ACAP1: variants seen among roughly 807,000 people sequenced by gnomAD.
ACAP1 encodes ArfGAP with coiled-coil, ankyrin repeat and PH domains 1.
A neutral mutation model predicts 98.8 loss-of-function variants in ACAP1; 45 were observed. The observed-to-expected ratio is 0.46, with a 90% confidence interval of 0.36 to 0.58. The LOEUF (loss-of-function observed/expected upper bound fraction) is 0.58. Ranked by LOEUF, ACAP1 falls within the 20% of genes least tolerant of loss-of-function variation. The pLI is 0.00. For missense variants in ACAP1, 735 were observed against 971.4 expected (o/e 0.76, Z 3.24); for synonymous variants, 362 against 375.3 (o/e 0.96, Z 0.41).
At chr17:7,346,208 G>A (rs946517492) in intron 10 of ACAP1, 36 bp from the exon 11 acceptor site, 1 of 1,606,872 alleles carries the variant, frequency 6.2e-7, no homozygotes, top group Non-Finnish European at 8.5e-7. Context: ...TCATCCTAAA[G>A]CTGCCTATGT....
chr17:7,349,925 T>C lies in ACAP1; in HGVS notation c.1852-20T>C. 1 of 1,578,258 alleles carries C rather than the reference T, an allele frequency of 6.3e-7. No individual in the cohort carries two copies. The highest frequency in any genetic ancestry group is 8.6e-7 in the Non-Finnish European group (1 of 1,158,086). On this transcript the variant is annotated intron_variant, in intron 18 of 21. Coordinates refer to ENST00000158762, the MANE Select transcript of ACAP1 (RefSeq NM_014716.4). ...CTAGGGATGCCACCCTCAACCCCCC[T>C]TCTCGACTTCTCCATGCAGAATTCT...
chr17:7,348,088 C>T (rs1413858908), intron 15 of ACAP1, 39 bp from the exon 16 acceptor site: 2 of 1,612,092 alleles, frequency 1.2e-6, no homozygotes, highest in East Asian at 4.5e-5. Flanking sequence ...CACTCACCCC[C>T]ACCTTCCCTG....
Position 7,347,903 on chromosome 17 carries a change from T to TC in ACAP1, c.1344-14dup, listed in dbSNP as rs2073363001. 1 of 1,608,874 alleles carries TC rather than the reference T, an allele frequency of 6.2e-7. No individual in the cohort carries two copies. Among genetic ancestry groups the TC allele is most frequent in the Non-Finnish European group, 8.5e-7 (1 of 1,175,462 alleles). On this transcript the variant is annotated intron_variant, in intron 14 of 21. Transcript: ENST00000158762. ...TGCCCCCCTGCACAGGGCCTGACCC[T>TC]CCCCCTCTGGCCCTCCAGGAGCCTT...
At position 7,343,129 on chromosome 17, in the gene ACAP1, A is replaced by G; in HGVS notation, c.345-250A>G. The stretch of plus-strand genomic sequence containing the variant: ...AAAAATTTTTTAAAGGGGGAGTGAG[A>G]TGGGAGAGAAGGGGGCCTTATTTCT... On this transcript the variant is annotated intron_variant, in intron 5 of 21. Transcript: ENST00000158762. The surrounding 1 kb of genome is among the most constrained non-coding windows in gnomAD (Gnocchi z 4.9). 2.2e-6 allele frequency: 1 copy of G among 448,882 alleles called. No homozygotes were observed. Among genetic ancestry groups the G allele is most frequent in the Non-Finnish European group, 3.9e-6 (1 of 254,020 alleles). The allele number at this position is 448,882 out of a possible 1,614,324, so 27.8% of individuals were successfully genotyped here. A position where few individuals can be genotyped will look rare whatever the true frequency, so the allele number is the denominator to read the frequency against.
chr17:7,349,898 C>T, intron 18 of ACAP1, 47 bp from the exon 19 acceptor site: 1 of 1,459,108 alleles, frequency 6.9e-7, no homozygotes, highest in Non-Finnish European at 9.4e-7. Flanking sequence ...TGAAATCCAC[C>T]ACTAGGGATG....
At chr17:7,349,292 T>A in intron 18 of ACAP1, 125 bp downstream of exon 18, 2 of 1,044,796 alleles carry the variant, frequency 1.9e-6, no homozygotes, top group Non-Finnish European at 2.7e-6. Context: ...TAGGGAGAGA[T>A]CAACAATAGA....
Position 7,346,481 on chromosome 17 carries a change from T to A in ACAP1, c.997T>A (p.Ser333Thr). The A allele has an allele frequency of 6.2e-7, 1 of 1,607,402 alleles. No individual in the cohort carries two copies. The change falls in exon 12 of 22, where the codon TCC becomes ACC. Residue 333 changes from serine to threonine, a missense_variant. Ser to Thr is a moderately conservative substitution (Grantham distance 58). This residue lies in a region of ACAP1 where 430 missense variants were observed against 531.8 expected (regional missense o/e 0.81). Coordinates refer to ENST00000158762, the MANE Select transcript of ACAP1 (RefSeq NM_014716.4). ...AAGGCGGTTCTGCTTTGAGGTGGTG[T>A]CCACCAGCAAGTGAGTGCAATCCCC... ...SERRFCFEVVSTSKSCLLQAD... is the reference protein window; with the variant it reads ...SERRFCFEVVTTSKSCLLQAD...
chr17:7,347,299 A>C (rs2143017714), intron 14 of ACAP1, 57 bp downstream of exon 14: 1 of 1,479,796 alleles, frequency 6.8e-7, no homozygotes, highest in Non-Finnish European at 9.3e-7. Context: ...GTGCGGCTCC[A>C]ATACAGAGCG....
intron 14 of ACAP1, 110 bp downstream of exon 14, chr17:7,347,352 C>A: frequency 1.8e-6 from 2 of 1,125,266 alleles, no homozygotes; most frequent in Non-Finnish European, 1.2e-6. Flanking sequence ...GGCTTCCTCT[C>A]TTAGCTTCTG....
chr17:7,351,104 TTTAACAAA>T, intron 21 of ACAP1, 105 bp downstream of exon 21: 1 of 1,272,232 alleles, frequency 7.9e-7, no homozygotes, highest in Non-Finnish European at 1.1e-6. Context: ...CATTCCGTTA[TTTAACAAA>T]TGCGTATTGG....
At chr17:7,342,907 CAAAAAAAAA>C (rs35515243) in intron 5 of ACAP1, 1 of 67,768 alleles carries the variant, frequency 1.5e-5, no homozygotes. Flanking sequence ...GACTCTGCCT[CAAAAAAAAA>C]AAAAAAAAAA....
At chr17:7,339,836 C>G (rs1331289070) in intron 2 of ACAP1, among the ~76,000 whole-genome samples, 1 of 152,174 alleles carries the variant, frequency 6.6e-6, no homozygotes, top group Non-Finnish European at 1.5e-5. Context: ...CCTTCCCACA[C>G]TTCTTTAATC....
chr17:7,347,860 A>G, intron 14 of ACAP1, 62 bp from the exon 15 acceptor site: 4 of 1,425,146 alleles, frequency 2.8e-6, no homozygotes, highest in Non-Finnish European at 4.0e-6. Flanking sequence ...CAGGAGCAGC[A>G]GCAGCTCCCC....
At chr17:7,342,616 T>G (rs2073297820) in intron 5 of ACAP1, 142 bp downstream of exon 5, 5 of 972,438 alleles carry the variant, frequency 5.1e-6, no homozygotes, top group South Asian at 4.6e-5. Context: ...ATACAAAAAT[T>G]AGGCCGGGCA....
intron 2 of ACAP1, among the ~76,000 whole-genome samples, chr17:7,341,176 A>C (rs1271606549): frequency 3.3e-5 from 5 of 152,218 alleles, no homozygotes; most frequent in Non-Finnish European, 7.3e-5. Context: ...TTCGAGACAG[A>C]GTCTCGGTCT....
Position 7,350,084 on chromosome 17 carries a change from G to A in ACAP1, c.1961+30G>A. The stretch of plus-strand genomic sequence containing the variant: ...GGATGATGGCATGGGGAGGAAGGCT[G>A]GGAGAAGTTGGGCGGCCGGCTGACC... On this transcript the variant is annotated intron_variant, in intron 19 of 21. Transcript: ENST00000158762. The surrounding 1 kb of genome is among the most constrained non-coding windows in gnomAD (Gnocchi z 4.6). 1 of 1,613,200 alleles carries A rather than the reference G, an allele frequency of 6.2e-7. No homozygotes were observed. Among genetic ancestry groups the A allele is most frequent in the Non-Finnish European group, 8.5e-7 (1 of 1,179,250 alleles).
In ACAP1 at chr17:7,347,017, C is replaced by T. The variant is rs745965287; in HGVS notation, c.1132-14C>T. ...AGGCCCCTTGGCCACCCTTTCTTCC[C>T]CTCTCTCCCCCAGGGCTCAGGACAC... On this transcript the variant is annotated splice_polypyrimidine_tract_variant and intron_variant, in intron 13 of 21. Coordinates refer to ENST00000158762, the MANE Select transcript of ACAP1 (RefSeq NM_014716.4). 9 of 1,570,728 alleles carry T rather than the reference C, an allele frequency of 5.7e-6. No homozygotes were observed. In the South Asian group the frequency reaches 7.0e-5, roughly 12 times the overall value.
Position 7,336,785 on chromosome 17 carries a change from C to T in ACAP1, c.51C>T (p.Phe17=), listed in dbSNP as rs751151008. Residue 17 remains phenylalanine (F), a splice_region_variant and synonymous_variant, in exon 1 of 22, where the codon TTC becomes TTT. Transcript: ENST00000158762. ...FEECLKDSPR[F]RASIELVEAE... is the part of the protein sequence containing the mutation. ...AGTGTCTCAAGGACTCACCCCGTTT[C>T]CGGTAAGTGTGAACTGGTCTGGGGG... The T allele has an allele frequency of 1.9e-6, 3 of 1,613,906 alleles. No individual in the cohort carries two copies. The South Asian group carries it at 3.3e-5, about 18-fold the overall frequency.
chr17:7,340,445 G>C (rs2073264578), intron 2 of ACAP1, among the ~76,000 whole-genome samples: 1 of 152,186 alleles, frequency 6.6e-6, no homozygotes, highest in African/African-American at 2.4e-5. Context: ...GAGGGGCTGA[G>C]ATGGTAAGGA....
Sources: gnomAD v4.1 joint callset for allele counts (sites outside exome capture counted in the v4.1 genomes callset) on GRCh38, gnomAD v4.1.1 for gene constraint, gnomAD v4.1.1 regional missense constraint, Gnocchi (gnomAD v3.1) non-coding constraint, MANE v1.5 for transcripts, NCBI Gene and HGNC (gene_info 2026-07-23, HGNC 2026-07-21) for gene names.